NME5: variants seen among roughly 807,000 people sequenced by gnomAD.
The protein encoded by NME5 is NME/NM23 family member 5.
In NME5, 18 loss-of-function variants were observed where a neutral mutation model predicts 21.6. The observed-to-expected ratio is 0.83, with a 90% CI of 0.58 to 1.24. NME5 has a LOEUF of 1.24. Among genes scored for constraint, NME5 ranks in the 50% most tolerant of loss-of-function variants. The pLI, the probability that NME5 is intolerant of heterozygous loss-of-function variation, is 0.00. For synonymous variants in NME5, 70 were observed against 80.6 expected, an observed-to-expected ratio of 0.87 and a Z score of 0.71; for missense variants, 223 against 255.4, an observed-to-expected ratio of 0.87 and a Z score of 0.86.
At chr5:138,130,245 G>A (rs527330313) in intron 2 of NME5, among the ~76,000 whole-genome samples, 1 of 152,078 alleles carries the variant, frequency 6.6e-6, no homozygotes, top group East Asian at 1.9e-4. Context: ...AACGCAGGAA[G>A]ACTTTGTTTC....
At position 138,128,463 on chromosome 5, in the gene NME5, G is replaced by A. The variant is rs1444849479; in HGVS notation, c.436+16C>T. ...ATAAGGAGATGCAGTTGACAAGTTAGTCATCTGTAACTCACCTTCAGGAAA... is the reference window on the plus strand; with the variant it reads ...ATAAGGAGATGCAGTTGACAAGTTAATCATCTGTAACTCACCTTCAGGAAA... On this transcript the variant is annotated intron_variant, in intron 4 of 5. Transcript: ENST00000265191. The A allele has an allele frequency of 6.3e-7, 1 of 1,580,356 alleles. No individual in the cohort carries two copies. Among genetic ancestry groups the A allele is most frequent in the Admixed American group, 1.7e-5 (1 of 58,540 alleles).
intron 4 of NME5, 23 bp downstream of exon 4, chr5:138,128,456 C>A: frequency 6.5e-7 from 1 of 1,547,230 alleles, no homozygotes; most frequent in South Asian, 1.1e-5. Context: ...ATGCAGTTGA[C>A]AAGTTAGTCA....
At chr5:138,122,334 G>C (rs1751302579) in intron 4 of NME5, among the ~76,000 whole-genome samples, 1 of 150,828 alleles carries the variant, frequency 6.6e-6, no homozygotes, top group Non-Finnish European at 1.5e-5. Context: ...CAGCTACTCG[G>C]GAGGCTGAAG....
intron 4 of NME5, chr5:138,127,820 G>A (rs1023416599): frequency 2.9e-6 from 1 of 347,400 alleles, no homozygotes; most frequent in Non-Finnish European, 4.1e-6. Context: ...TTCCTAGAGA[G>A]ACTATTTTTC....
chr5:138,128,680 C>G (rs546519395), intron 3 of NME5, 101 bp from the exon 4 acceptor site: 8 of 707,002 alleles, frequency 1.1e-5, no homozygotes, highest in Non-Finnish European at 1.9e-5. Context: ...ATTGCCACTT[C>G]TTACATATGA....
intron 4 of NME5, among the ~76,000 whole-genome samples, chr5:138,124,611 G>T (rs1409359617): frequency 6.6e-6 from 1 of 151,934 alleles, no homozygotes; most frequent in African/African-American, 2.4e-5. Context: ...GCCTCGACCT[G>T]CTGGGCTCAA....
At position 138,118,838 on chromosome 5, in the gene NME5, GCTTACAAAGCT is replaced by G; in HGVS notation, c.524_534del (p.Glu175AlafsTer12). 3 of 1,608,312 alleles carry G rather than the reference GCTTACAAAGCT, an allele frequency of 1.9e-6. No homozygotes were observed. Among genetic ancestry groups the G allele is most frequent in the Non-Finnish European group, 2.6e-6 (3 of 1,175,034 alleles). On this transcript the variant is annotated frameshift_variant, in exon 5 of 6. Transcript: ENST00000265191. LOFTEE classifies it high-confidence loss of function. Reference sequence around the variant, plus strand: ...CTTACCAAAGGATCTGCTGGTTTTTGCTTACAAAGCTCTGTGAGTCCTTCAAGCAGAGTTGG... The same window carrying G: ...CTTACCAAAGGATCTGCTGGTTTTTGCTGTGAGTCCTTCAAGCAGAGTTGG...
intron 4 of NME5, among the ~76,000 whole-genome samples, chr5:138,122,284 C>CA (rs1259868485): frequency 4.0e-5 from 6 of 151,286 alleles, no homozygotes; most frequent in African/African-American, 9.7e-5. Context: ...ACTAAAAATA[C>CA]AAAAAATTAG....
At chr5:138,117,620 T>G (rs1184375595) in intron 5 of NME5, among the ~76,000 whole-genome samples, 1 of 152,072 alleles carries the variant, frequency 6.6e-6, no homozygotes, top group African/African-American at 2.4e-5. Context: ...ACATTAGCCA[T>G]TAGGGAAATG....
chr5:138,133,634 T>C (rs1383199279), intron 2 of NME5, among the ~76,000 whole-genome samples: 5 of 152,186 alleles, frequency 3.3e-5, no homozygotes, highest in Non-Finnish European at 1.5e-5. Context: ...AACACTGCCA[T>C]CTACTGAAAT....
At chr5:138,127,954 C>G (rs2151164236) in intron 4 of NME5, among the ~76,000 whole-genome samples, 1 of 152,262 alleles carries the variant, frequency 6.6e-6, no homozygotes, top group Middle Eastern at 3.4e-3. Context: ...TGGCTCACAC[C>G]TGCAATCCCA....
intron 2 of NME5, 95 bp downstream of exon 2, chr5:138,138,557 C>A: frequency 9.8e-7 from 1 of 1,022,788 alleles, no homozygotes; most frequent in Non-Finnish European, 1.5e-6. Context: ...TAATGCTGAA[C>A]ACTAAGGGTT....
chr5:138,119,004 G>T, intron 4 of NME5, 68 bp from the exon 5 acceptor site: 2 of 925,178 alleles, frequency 2.2e-6, no homozygotes, highest in Admixed American at 2.4e-5. Context: ...CATTAAAAAG[G>T]TTCTTTTTAA....
chr5:138,133,545 A>G (rs1414117559), intron 2 of NME5, among the ~76,000 whole-genome samples: 1 of 152,190 alleles, frequency 6.6e-6, no homozygotes, highest in African/African-American at 2.4e-5. Flanking sequence ...ATCTCATCTG[A>G]AATTAGGTTG....
intron 4 of NME5, chr5:138,127,718 A>T (rs2151164090): frequency 1.0e-6 from 1 of 974,766 alleles, no homozygotes; most frequent in South Asian, 4.7e-5. Flanking sequence ...GTAAGGAAAC[A>T]AAAAAAGGGA....
At chr5:138,119,729 T>C (rs950333416) in intron 4 of NME5, among the ~76,000 whole-genome samples, 2 of 151,198 alleles carry the variant, frequency 1.3e-5, no homozygotes, top group African/African-American at 4.9e-5. Context: ...ACAATCTCAG[T>C]TCACTGCAAC....
intron 2 of NME5, among the ~76,000 whole-genome samples, chr5:138,129,861 G>A (rs1035619657): frequency 5.3e-5 from 8 of 152,084 alleles, no homozygotes; most frequent in African/African-American, 1.9e-4. Context: ...GGAGGCTGAG[G>A]CAGAAGATTT....
chr5:138,122,431 AC>A (rs1326288265), intron 4 of NME5, among the ~76,000 whole-genome samples: 12 of 138,858 alleles, frequency 8.6e-5, no homozygotes, highest in African/African-American at 3.2e-4. Flanking sequence ...CAAGAGCGAA[AC>A]TCTGTCTCTA....
chr5:138,115,901 A>G, intron 5 of NME5, 137 bp from the exon 6 acceptor site: 1 of 544,392 alleles, frequency 1.8e-6, no homozygotes, highest in African/African-American at 1.9e-5. Flanking sequence ...AAACATTTGG[A>G]TTTACATTAT....
Sources: allele counts gnomAD v4.1 joint callset (sites outside exome capture counted in the v4.1 genomes callset), GRCh38; gene constraint gnomAD v4.1.1; transcripts MANE v1.5; gene names NCBI Gene and HGNC (gene_info 2026-07-23, HGNC 2026-07-21).